Variants in ERP44 observed in about 807,000 individuals in gnomAD.
The protein encoded by ERP44 is endoplasmic reticulum protein 44, also known as endoplasmic reticulum resident protein 44.
Under a neutral mutation model 53.4 loss-of-function variants are expected in ERP44, and 25 were observed. The ratio of observed to expected loss-of-function variants is 0.47; its 90% CI spans 0.34 to 0.65. ERP44 has a LOEUF of 0.65. ERP44 is among the 30% of genes least tolerant of loss of function. ERP44 has a pLI of 0.01. For missense variants in ERP44, 338 were observed against 493.2 expected (o/e 0.69, Z 2.98); for synonymous variants, 145 against 161.2 (o/e 0.90, Z 0.76).
chr9:100,052,614 G>C, intron 3 of ERP44, 82 bp from the exon 4 acceptor site: 3 of 542,760 alleles, frequency 5.5e-6, no homozygotes, highest in Admixed American at 2.5e-5. Flanking sequence ...ACTGACATTT[G>C]ATATAGGCAT....
chr9:100,028,765 G>C (rs1044030206), intron 4 of ERP44, among the ~76,000 whole-genome samples: 1 of 152,144 alleles, frequency 6.6e-6, no homozygotes, highest in Non-Finnish European at 1.5e-5. Context: ...AGAGAGAGTA[G>C]AGCATTACCA....
intron 1 of ERP44, among the ~76,000 whole-genome samples, chr9:100,061,104 G>C (rs1343326351): frequency 6.6e-6 from 1 of 152,272 alleles, no homozygotes; most frequent in South Asian, 2.1e-4. Flanking sequence ...ATGCTATAAA[G>C]AGATACAATG....
intron 9 of ERP44, among the ~76,000 whole-genome samples, chr9:100,006,918 G>A (rs1327819207): frequency 1.3e-5 from 2 of 152,096 alleles, no homozygotes; most frequent in Non-Finnish European, 2.9e-5. Context: ...CCTTAAATGG[G>A]CAATCATTTA....
intron 1 of ERP44, among the ~76,000 whole-genome samples, chr9:100,069,476 T>C (rs1478331426): frequency 3.9e-5 from 6 of 152,096 alleles, no homozygotes; most frequent in African/African-American, 1.4e-4. Flanking sequence ...ACTAAGGCTG[T>C]CTCTCCCTAC....
In ERP44 at chr9:100,098,847, G is replaced by A. The variant is rs1564109776; in HGVS notation, c.-7C>T. On this transcript the variant is annotated 5_prime_UTR_variant, in exon 1 of 12. Coordinates refer to ENST00000262455, the MANE Select transcript of ERP44 (RefSeq NM_015051.3). Reference sequence around the variant, plus strand: ...GGAAGACGGCAGGATGCATGGTAACGCTGGGGTCCGTGACAGGGACAGGCG... The same window carrying A: ...GGAAGACGGCAGGATGCATGGTAACACTGGGGTCCGTGACAGGGACAGGCG... 3 of 1,612,838 alleles carry A rather than the reference G, an allele frequency of 1.9e-6. No individual in the cohort carries two copies. The highest frequency in any genetic ancestry group is 2.5e-6 in the Non-Finnish European group (3 of 1,179,180).
chr9:100,051,798 A>T (rs1358320211), intron 4 of ERP44, among the ~76,000 whole-genome samples: 1 of 152,162 alleles, frequency 6.6e-6, no homozygotes, highest in Admixed American at 6.6e-5. Context: ...TATACGAAAA[A>T]CCATGAGGAT....
intron 4 of ERP44, among the ~76,000 whole-genome samples, chr9:100,035,289 C>T (rs1298438590): frequency 6.6e-6 from 1 of 152,148 alleles, no homozygotes; most frequent in African/African-American, 2.4e-5. Context: ...AAACAAACAA[C>T]CTACAGTATG....
intron 10 of ERP44, among the ~76,000 whole-genome samples, chr9:99,993,758 A>T (rs1830280857): frequency 6.6e-6 from 1 of 152,228 alleles, no homozygotes; most frequent in African/African-American, 2.4e-5. Context: ...TTTCCAATCT[A>T]CCCATCTGAC....
At chr9:100,002,828 G>A (rs1431089047) in intron 10 of ERP44, among the ~76,000 whole-genome samples, 1 of 152,124 alleles carries the variant, frequency 6.6e-6, no homozygotes, top group Non-Finnish European at 1.5e-5. Flanking sequence ...GGAGTTCTTT[G>A]ACTTTCCTGT....
At chr9:100,026,947 T>C (rs1456568768) in intron 4 of ERP44, among the ~76,000 whole-genome samples, 1 of 152,174 alleles carries the variant, frequency 6.6e-6, no homozygotes. Flanking sequence ...GGAGACAATA[T>C]AATGCTTTCA....
chr9:100,008,053 G>C (rs1830437936), intron 8 of ERP44, among the ~76,000 whole-genome samples: 1 of 152,124 alleles, frequency 6.6e-6, no homozygotes, highest in South Asian at 2.1e-4. Flanking sequence ...ATTTTAGAGT[G>C]GGGTAAACAT....
intron 4 of ERP44, among the ~76,000 whole-genome samples, chr9:100,036,581 C>A (rs1825850286): frequency 6.6e-6 from 1 of 152,072 alleles, no homozygotes; most frequent in African/African-American, 2.4e-5. Context: ...AGTTATACCC[C>A]AAATCTCAAA....
chr9:100,068,221 C>CCA (rs1826248487), intron 1 of ERP44, among the ~76,000 whole-genome samples: 1 of 145,206 alleles, frequency 6.9e-6, no homozygotes, highest in Admixed American at 6.8e-5. Flanking sequence ...GTCAGCCCTG[C>CCA]GCCCGGCCAG....
intron 10 of ERP44, among the ~76,000 whole-genome samples, chr9:100,000,044 T>C (rs1481666608): frequency 6.6e-6 from 1 of 152,160 alleles, no homozygotes; most frequent in Non-Finnish European, 1.5e-5. Context: ...TGCTAGGATT[T>C]TGTTGAGGAC....
At chr9:100,063,159 AG>A (rs1471197889) in intron 1 of ERP44, among the ~76,000 whole-genome samples, 1 of 151,694 alleles carries the variant, frequency 6.6e-6, no homozygotes, top group African/African-American at 2.4e-5. Context: ...TTACATGCTA[AG>A]TAATGGCAAA....
chr9:100,079,413 TACACACACACACAC>T (rs58110423), intron 1 of ERP44, among the ~76,000 whole-genome samples: 170 of 137,350 alleles, frequency 1.2e-3, no homozygotes, highest in African/African-American at 2.7e-3. Context: ...AACTCCCCTT[TACACACACACACAC>T]ACACACACAC....
chr9:100,064,050 A>T (rs545707655), intron 1 of ERP44, among the ~76,000 whole-genome samples: 24 of 152,352 alleles, frequency 1.6e-4, no homozygotes, highest in Non-Finnish European at 2.6e-4. Context: ...CTTCCATTAG[A>T]TGGTTATTAA....
At chr9:100,098,213 A>G (rs1587990119) in intron 1 of ERP44, among the ~76,000 whole-genome samples, 1 of 152,300 alleles carries the variant, frequency 6.6e-6, no homozygotes, top group Admixed American at 6.5e-5. Flanking sequence ...GGAGGCCTTG[A>G]GCTGAGATTG....
intron 1 of ERP44, among the ~76,000 whole-genome samples, chr9:100,093,600 G>C (rs1328938523): frequency 3.3e-5 from 5 of 151,988 alleles, no homozygotes; most frequent in Admixed American, 3.3e-4. Flanking sequence ...CCAAGATCAG[G>C]CCACTGCACT....
Sources: allele counts gnomAD v4.1 joint callset (sites outside exome capture counted in the v4.1 genomes callset), GRCh38; gene constraint gnomAD v4.1.1; transcripts MANE v1.5; gene names NCBI Gene and HGNC (gene_info 2026-07-23, HGNC 2026-07-21).